HCRTR2: variants seen among roughly 807,000 people sequenced by gnomAD.
HCRTR2 encodes the protein hypocretin receptor 2.
In HCRTR2, 22 loss-of-function variants were observed where a neutral mutation model predicts 49.0. The observed-to-expected ratio is 0.45, with a 90% CI of 0.32 to 0.64. The LOEUF (loss-of-function observed/expected upper bound fraction) is 0.64, where lower values mean the gene tolerates loss of function less well. Among genes scored for constraint, HCRTR2 ranks in the 30% least tolerant of loss-of-function variants. HCRTR2 has a pLI of 0.04. For synonymous variants in HCRTR2, 236 were observed against 205.3 expected (o/e 1.15, Z -1.28); for missense variants, 491 against 559.4 (o/e 0.88, Z 1.23).
At position 55,244,498 on chromosome 6, in the gene HCRTR2, A is replaced by C. The variant is rs143683500; in HGVS notation, c.224-4141A>C. 4.6e-5 allele frequency among the ~76,000 whole-genome samples: 7 copies of C among 151,194 alleles called. No individual in the cohort carries two copies. The East Asian group carries it at 9.7e-4, about 21-fold the overall frequency. On this transcript the variant is annotated intron_variant, in intron 1 of 6. Transcript: ENST00000370862. ...ATAGAAAGAATATAATAGAGGAAAG[A>C]GATATTTTGGAGATTTCAAGCATAA...
At chr6:55,129,859 G>C (rs966934749) in intron 1 of HCRTR2, among the ~76,000 whole-genome samples, 2 of 151,906 alleles carry the variant, frequency 1.3e-5, no homozygotes, top group South Asian at 4.1e-4. Context: ...TTCTATAGAA[G>C]TTGCCTTTGA....
At chr6:55,184,796 A>T (rs1765190541) in intron 1 of HCRTR2, among the ~76,000 whole-genome samples, 3 of 152,122 alleles carry the variant, frequency 2.0e-5, no homozygotes, top group Admixed American at 1.3e-4. Context: ...TTTTATTCCT[A>T]CTCAGTGACT....
At chr6:55,262,568 TTATA>T (rs1442082323) in intron 3 of HCRTR2, among the ~76,000 whole-genome samples, 1 of 133,016 alleles carries the variant, frequency 7.5e-6, no homozygotes, top group Non-Finnish European at 1.5e-5. Flanking sequence ...TATTATATAT[TTATA>T]TATAAATAAA....
intron 1 of HCRTR2, among the ~76,000 whole-genome samples, chr6:55,242,387 G>A (rs1022630222): frequency 1.1e-4 from 17 of 151,072 alleles, no homozygotes; most frequent in African/African-American, 4.1e-4. Context: ...GCCCCTGGGG[G>A]AAAAAAAAAT....
At chr6:55,240,512 T>C (rs9367625) in intron 1 of HCRTR2, among the ~76,000 whole-genome samples, 1 of 151,972 alleles carries the variant, frequency 6.6e-6, no homozygotes, top group Admixed American at 6.6e-5. Context: ...ATGTAGTTCT[T>C]CTGAGACGGA....
intron 1 of HCRTR2, among the ~76,000 whole-genome samples, chr6:55,128,073 T>C (rs1475393873): frequency 6.6e-6 from 1 of 152,192 alleles, no homozygotes; most frequent in Non-Finnish European, 1.5e-5. Context: ...TTTAAGTCTT[T>C]AATCCATCTT....
intron 1 of HCRTR2, among the ~76,000 whole-genome samples, chr6:55,246,922 T>G (rs1766455947): frequency 2.0e-5 from 3 of 152,100 alleles, no homozygotes; most frequent in African/African-American, 7.2e-5. Context: ...TATAATGCAT[T>G]AAGTCTTCCC....
At chr6:55,165,743 G>GAA (rs1764866637) in intron 1 of HCRTR2, among the ~76,000 whole-genome samples, 1 of 90,214 alleles carries the variant, frequency 1.1e-5, no homozygotes, top group African/African-American at 5.0e-5. Context: ...TTAGTATACA[G>GAA]AATATATATA....
chr6:55,276,407 C>G (rs1259678822), intron 4 of HCRTR2, among the ~76,000 whole-genome samples: 1 of 152,152 alleles, frequency 6.6e-6, no homozygotes, highest in African/African-American at 2.4e-5. Flanking sequence ...TATCGAACAT[C>G]TATTCTGAGA....
At chr6:55,223,777 GA>G (rs34365632) in intron 1 of HCRTR2, among the ~76,000 whole-genome samples, 40 of 146,740 alleles carry the variant, frequency 2.7e-4, no homozygotes, top group South Asian at 8.6e-4. Flanking sequence ...AACTTACCTA[GA>G]AAAAAAAAAG....
In HCRTR2 at chr6:55,282,477, A is replaced by ATACCTGAG; in HGVS notation, c.*26_*33dup. 1 of 1,251,252 alleles carries ATACCTGAG rather than the reference A, an allele frequency of 8.0e-7. No individual in the cohort carries two copies. The highest frequency in any genetic ancestry group is 1.2e-5 in the South Asian group (1 of 82,138). The allele number at this position is 1,251,252 out of a possible 1,614,324, so 77.5% of individuals were successfully genotyped here. On this transcript the variant is annotated 3_prime_UTR_variant, in exon 7 of 7. Transcript: ENST00000370862. The stretch of plus-strand genomic sequence containing the variant: ...TAGAATATTTATTCATATGACAAGG[A>ATACCTGAG]TACCTGAGTAAAACTATCCTTTTTA...
chr6:55,118,488 A>G (rs1207572822), intron 1 of HCRTR2, among the ~76,000 whole-genome samples: 2 of 152,066 alleles, frequency 1.3e-5, no homozygotes, highest in Non-Finnish European at 1.5e-5. Flanking sequence ...CGTCTTCCAC[A>G]ATGGCTGAAC....
chr6:55,261,347 A>T (rs552436689), intron 3 of HCRTR2, among the ~76,000 whole-genome samples: 7 of 152,300 alleles, frequency 4.6e-5, no homozygotes, highest in Admixed American at 6.5e-5. Context: ...AATGTTCAGT[A>T]TCACTAAGAA....
intron 1 of HCRTR2, among the ~76,000 whole-genome samples, chr6:55,155,620 A>T (rs1216101056): frequency 6.6e-6 from 1 of 152,030 alleles, no homozygotes; most frequent in South Asian, 2.1e-4. Context: ...CCCAAGGCCT[A>T]AGAGCTATTC....
intron 1 of HCRTR2, among the ~76,000 whole-genome samples, chr6:55,207,144 G>C (rs544909814): frequency 3.9e-5 from 6 of 152,086 alleles, no homozygotes; most frequent in Admixed American, 1.3e-4. Flanking sequence ...ATGGAGTCTC[G>C]TTGCTATGCA....
chr6:55,208,779 T>C (rs1014206423), intron 1 of HCRTR2, among the ~76,000 whole-genome samples: 1 of 152,170 alleles, frequency 6.6e-6, no homozygotes, highest in African/African-American at 2.4e-5. Flanking sequence ...TGTTTATAGG[T>C]ACATTTAGAT....
intron 3 of HCRTR2, among the ~76,000 whole-genome samples, chr6:55,262,134 G>A (rs1581864108): frequency 6.6e-6 from 1 of 151,682 alleles, no homozygotes; most frequent in East Asian, 1.9e-4. Context: ...GAGAGGGGGT[G>A]AAGGATAAAA....
At chr6:55,122,863 A>T (rs1305326950) in intron 1 of HCRTR2, among the ~76,000 whole-genome samples, 1 of 151,400 alleles carries the variant, frequency 6.6e-6, no homozygotes, top group Non-Finnish European at 1.5e-5. Context: ...AAACTATCGC[A>T]AGGACAAAAA....
chr6:55,164,907 C>T (rs776303349), intron 1 of HCRTR2, among the ~76,000 whole-genome samples: 1 of 151,958 alleles, frequency 6.6e-6, no homozygotes, highest in Non-Finnish European at 1.5e-5. Context: ...GGAAATTCAA[C>T]AAAATTCAAG....
Sources: allele counts gnomAD v4.1 joint callset (sites outside exome capture counted in the v4.1 genomes callset), GRCh38; gene constraint gnomAD v4.1.1; transcripts MANE v1.5; gene names NCBI Gene and HGNC (gene_info 2026-07-23, HGNC 2026-07-21).